Variants in SEMA6A observed in about 807,000 individuals in gnomAD.
SEMA6A encodes semaphorin 6A.
SEMA6A carries 25 observed loss-of-function variants against 96.8 expected under a neutral mutation model. The ratio of observed to expected loss-of-function variants is 0.26; its 90% CI spans 0.19 to 0.36. The LOEUF is 0.36. SEMA6A is among the 10% of genes least tolerant of loss of function. SEMA6A has a pLI of 1.00. For synonymous variants in SEMA6A, 612 were observed against 518.0 expected, an observed-to-expected ratio of 1.18 and a Z score of -2.46; for missense variants, 1,363 against 1,323.1, an observed-to-expected ratio of 1.03 and a Z score of -0.47.
chr5:116,500,440 T>C (rs1490403334), intron 3 of SEMA6A, among the ~76,000 whole-genome samples: 7 of 152,186 alleles, frequency 4.6e-5, no homozygotes, highest in African/African-American at 1.4e-4. Flanking sequence ...GAATTGACAT[T>C]CATAAAGAAT....
intron 15 of SEMA6A, 47 bp from the exon 16 acceptor site, chr5:116,475,650 G>A (rs374199780): frequency 2.7e-5 from 37 of 1,393,442 alleles, no homozygotes; most frequent in African/African-American, 4.3e-5. Flanking sequence ...ATACAATAAC[G>A]TGAGTCTTCA....
intron 18 of SEMA6A, among the ~76,000 whole-genome samples, chr5:116,462,091 TA>T (rs994998458): frequency 6.6e-6 from 1 of 152,154 alleles, no homozygotes; most frequent in Non-Finnish European, 1.5e-5. Context: ...TATGACTTGA[TA>T]GGAGCCAAAA....
At chr5:116,520,255 C>CT (rs60534452) in intron 1 of SEMA6A, among the ~76,000 whole-genome samples, 15,208 of 135,266 alleles carry the variant, frequency 0.11, 941 homozygotes, top group East Asian at 0.16. Flanking sequence ...CAGCCTGATG[C>CT]TTTTTTTTTT....
chr5:116,460,598 C>A (rs1279821329), intron 18 of SEMA6A, among the ~76,000 whole-genome samples: 3 of 152,034 alleles, frequency 2.0e-5, no homozygotes, highest in African/African-American at 7.2e-5. Context: ...TTTACACTAA[C>A]AATTATTTAG....
intron 10 of SEMA6A, among the ~76,000 whole-genome samples, chr5:116,484,261 G>C (rs919195906): frequency 6.6e-6 from 1 of 151,996 alleles, no homozygotes; most frequent in African/African-American, 2.4e-5. Flanking sequence ...GATGCACCTC[G>C]TAATAACTAA....
At chr5:116,479,866 C>G (rs1756662430) in intron 12 of SEMA6A, among the ~76,000 whole-genome samples, 1 of 152,132 alleles carries the variant, frequency 6.6e-6, no homozygotes. Context: ...TGGGCTAATC[C>G]AGAAGGAAAG....
At chr5:116,530,785 C>T (rs1413560563) in intron 1 of SEMA6A, among the ~76,000 whole-genome samples, 1 of 152,114 alleles carries the variant, frequency 6.6e-6, no homozygotes, top group Non-Finnish European at 1.5e-5. Context: ...ACCAAAAATA[C>T]ATGCTTGCCT....
chr5:116,498,296 A>C (rs1757702387), intron 3 of SEMA6A, among the ~76,000 whole-genome samples: 1 of 152,170 alleles, frequency 6.6e-6, no homozygotes, highest in South Asian at 2.1e-4. Flanking sequence ...AAAATTACCC[A>C]CAGCTTTAAA....
intron 18 of SEMA6A, among the ~76,000 whole-genome samples, chr5:116,455,449 T>G (rs998803788): frequency 2.0e-5 from 3 of 152,192 alleles, no homozygotes; most frequent in Non-Finnish European, 4.4e-5. Flanking sequence ...TCAGCTTTCT[T>G]AAATAAGACG....
chr5:116,449,411 G>T, intron 18 of SEMA6A: 1 of 699,044 alleles, frequency 1.4e-6, no homozygotes, highest in Middle Eastern at 2.3e-4. Flanking sequence ...CAGTGGCACA[G>T]AATTAGAATG....
At chr5:116,494,248 C>T (rs116539445) in intron 6 of SEMA6A, among the ~76,000 whole-genome samples, 53 of 152,348 alleles carry the variant, frequency 3.5e-4, no homozygotes, top group African/African-American at 1.2e-3. Context: ...TTTCTTACTC[C>T]ATGCCTTTGT....
intron 1 of SEMA6A, among the ~76,000 whole-genome samples, chr5:116,513,021 A>G (rs1265382894): frequency 2.0e-5 from 3 of 152,142 alleles, no homozygotes; most frequent in African/African-American, 7.2e-5. Context: ...TGTGGGTACA[A>G]GGTAGGTGTA....
In SEMA6A at chr5:116,552,354, T is replaced by A. The variant is rs147532781; in HGVS notation, c.-39+21831A>T. 4.6e-5 allele frequency among the ~76,000 whole-genome samples: 7 copies of A among 152,246 alleles called. No homozygotes were observed. The East Asian group carries it at 1.4e-3, about 29-fold the overall frequency. The stretch of plus-strand genomic sequence containing the variant: ...CTTTACACAGACTAAGTCTTTTTAG[T>A]CAAGGGGAGAAGTTCTATTTTTCCA... On this transcript the variant is annotated intron_variant, in intron 1 of 18. Coordinates refer to ENST00000343348, the MANE Select transcript of SEMA6A (RefSeq NM_020796.5).
chr5:116,486,954 T>G lies in SEMA6A; in HGVS notation c.757A>C (p.Arg253=). The G allele has an allele frequency of 6.2e-7, 1 of 1,613,334 alleles. No homozygotes were observed. The highest frequency in any genetic ancestry group is 8.5e-7 in the Non-Finnish European group (1 of 1,179,386). Residue 253 remains arginine, a synonymous_variant, in exon 10 of 19, where the codon AGA becomes CGA. Transcript: ENST00000343348. ...YNTMGKVVFP[R]VAQVCKNDMG... ...TCATTCTTACAAACCTGAGCCACTC[T>G]TGGGAAAACTACCTGCAGAGGAAAA... is the stretch of plus-strand genomic sequence containing the variant.
At chr5:116,563,057 C>A in intron 1 of SEMA6A, 1 of 417,040 alleles carries the variant, frequency 2.4e-6, no homozygotes, top group South Asian at 1.9e-5. Flanking sequence ...AAATTCCCTT[C>A]ATGAAAAACA....
intron 18 of SEMA6A, among the ~76,000 whole-genome samples, chr5:116,459,122 T>C (rs1186664762): frequency 1.3e-5 from 2 of 152,152 alleles, no homozygotes; most frequent in African/African-American, 4.8e-5. Context: ...TGAACCCCAC[T>C]GTTTTAACTA....
At chr5:116,459,089 T>G (rs908962609) in intron 18 of SEMA6A, among the ~76,000 whole-genome samples, 3 of 152,166 alleles carry the variant, frequency 2.0e-5, no homozygotes, top group African/African-American at 7.2e-5. Flanking sequence ...GATTATATTA[T>G]TAATTAAGCC....
rs372975359 is a variant in SEMA6A, at chr5:116,447,753, C to G, written c.1953G>C (p.Leu651Phe). 3.7e-6 allele frequency: 6 copies of G among 1,612,662 alleles called. No individual in the cohort carries two copies. Among genetic ancestry groups the G allele is most frequent in the Non-Finnish European group, 5.1e-6 (6 of 1,178,932 alleles). Residue 651 changes from leucine (L) to phenylalanine (F), a missense_variant, in exon 19 of 19, where the codon TTG becomes TTC. This residue lies in a region of SEMA6A where 883 missense variants were observed against 763.6 expected (regional missense o/e 1.16). Coordinates refer to ENST00000343348, the MANE Select transcript of SEMA6A (RefSeq NM_020796.5). ...GHDQLVPVTL[L>F]AIAVILAFVM... is the part of the protein sequence containing the mutation. Reference sequence around the variant, plus strand: ...CGAAAGCCAGGATGACTGCAATGGCCAAGAGGGTGACGGGAACCAGCTGGT... The same window carrying G: ...CGAAAGCCAGGATGACTGCAATGGCGAAGAGGGTGACGGGAACCAGCTGGT...
chr5:116,505,061 A>G, intron 1 of SEMA6A, 79 bp from the exon 2 acceptor site: 1 of 652,640 alleles, frequency 1.5e-6, no homozygotes, highest in Non-Finnish European at 2.6e-6. Context: ...TGAAAGATAA[A>G]TTCGAGAGAA....
Sources: allele counts gnomAD v4.1 joint callset (sites outside exome capture counted in the v4.1 genomes callset), GRCh38; gene constraint gnomAD v4.1.1; regional missense constraint gnomAD v4.1.1; transcripts MANE v1.5; gene names NCBI Gene and HGNC (gene_info 2026-07-23, HGNC 2026-07-21).